The following HLTF variants were observed in gnomAD, a reference collection of about 807,000 sequenced individuals.
The protein encoded by HLTF is helicase like transcription factor.
In HLTF, 127 loss-of-function variants were observed where a neutral mutation model predicts 129.4. The observed-to-expected ratio is 0.98, with a 90% confidence interval of 0.85 to 1.14. The LOEUF is 1.14. Among genes scored for constraint, HLTF ranks in the 50% most tolerant of loss-of-function variants. The pLI, the probability that HLTF is intolerant of heterozygous loss-of-function variation, is 0.00. For missense variants in HLTF, 1,139 were observed against 1,187.1 expected (o/e 0.96, Z 0.60); for synonymous variants, 332 against 388.8 (o/e 0.85, Z 1.72).
At chr3:149,066,493 T>C (rs990329377) in intron 8 of HLTF, among the ~76,000 whole-genome samples, 2 of 152,190 alleles carry the variant, frequency 1.3e-5, no homozygotes, top group African/African-American at 2.4e-5. Flanking sequence ...AGTCTACTTA[T>C]GTTTGGAATA....
chr3:149,045,242 C>CT (rs1716446537), intron 18 of HLTF, among the ~76,000 whole-genome samples: 2 of 152,102 alleles, frequency 1.3e-5, no homozygotes, highest in Non-Finnish European at 2.9e-5. Context: ...CCCCTTAATC[C>CT]CAATCTCCTT....
chr3:149,075,904 G>T lies in HLTF; in HGVS notation c.372C>A (p.Asp124Glu). The T allele has an allele frequency of 1.2e-6, 2 of 1,600,994 alleles. No individual in the cohort carries two copies. The highest frequency in any genetic ancestry group is 8.5e-7 in the Non-Finnish European group (1 of 1,174,790). The change falls in exon 3 of 25, where the codon GAC becomes GAA. Residue 124 changes from aspartate to glutamate, a missense_variant. Transcript: ENST00000310053. ...ELAGALAYIM[D>E]NKLAQIEGVV... is the part of the protein sequence containing the mutation. The stretch of plus-strand genomic sequence containing the variant: ...ACCCTTCAATTTGTGCCAATTTGTT[G>T]TCCATGATATAGGCCAAAGCACCTG...
chr3:149,078,151 T>C (rs1196949456), intron 2 of HLTF, among the ~76,000 whole-genome samples: 1 of 152,176 alleles, frequency 6.6e-6, no homozygotes, highest in Non-Finnish European at 1.5e-5. Context: ...TAAGAAAGTA[T>C]GGTCTATACA....
At chr3:149,052,707 T>C (rs1717095903) in intron 14 of HLTF, among the ~76,000 whole-genome samples, 2 of 151,910 alleles carry the variant, frequency 1.3e-5, no homozygotes, top group African/African-American at 4.8e-5. Flanking sequence ...AAAGTAAAGC[T>C]GAAAATGCAA....
At position 149,075,999 on chromosome 3, in the gene HLTF, A is replaced by G. The variant is rs1306858005; in HGVS notation, c.277T>C (p.Tyr93His). Residue 93 changes from tyrosine (Y) to histidine (H), a missense_variant, in exon 3 of 25, where the codon TAT (tyrosine) becomes CAT (histidine). By Grantham distance (83) the Tyr-to-His change is moderately conservative. Coordinates refer to ENST00000310053, the MANE Select transcript of HLTF (RefSeq NM_003071.4). ...VALQRDPNNP[Y>H]DKNAIKVNNV... ...TTTACTTTAATTGCATTCTTATCAT[A>G]AGGGTTATTAGGATCTCGTTGTAAT... is the stretch of plus-strand genomic sequence containing the variant. 1.3e-6 allele frequency: 2 copies of G among 1,544,116 alleles called. No homozygotes were observed. The highest frequency in any genetic ancestry group is 2.3e-5 in the South Asian group (2 of 88,344).
intron 7 of HLTF, among the ~76,000 whole-genome samples, chr3:149,070,936 T>C (rs1305742633): frequency 1.3e-5 from 2 of 151,978 alleles, no homozygotes; most frequent in Non-Finnish European, 2.9e-5. Context: ...TCCCAGCTAT[T>C]TGGAAGTCTG....
Position 149,039,075 on chromosome 3 carries a change from C to G in HLTF, c.2770G>C (p.Ala924Pro). 6.2e-7 allele frequency: 1 copy of G among 1,602,884 alleles called. No individual in the cohort carries two copies. Among genetic ancestry groups the G allele is most frequent in the Non-Finnish European group, 8.5e-7 (1 of 1,175,662 alleles). The change falls in exon 23 of 25, where the codon GCT becomes CCT. Residue 924 changes from alanine (A) to proline (P), a missense_variant. Coordinates refer to ENST00000310053, the MANE Select transcript of HLTF (RefSeq NM_003071.4). Reference protein sequence around the residue: ...AGGVGLNLSAASRVFLMDPAW... With the variant: ...AGGVGLNLSAPSRVFLMDPAW... ...GGATCCATTAAAAACACTCGAGAAGCTGCAGACAGATTCAAACCAACTCCA... is the reference window on the plus strand; with the variant it reads ...GGATCCATTAAAAACACTCGAGAAGGTGCAGACAGATTCAAACCAACTCCA...
intron 7 of HLTF, among the ~76,000 whole-genome samples, chr3:149,068,746 C>A (rs1360992519): frequency 6.6e-6 from 1 of 152,032 alleles, no homozygotes; most frequent in African/African-American, 2.4e-5. Context: ...AAAGATAATA[C>A]CAAGCTTAAA....
At chr3:149,060,404 T>G (rs1717824395) in intron 12 of HLTF, among the ~76,000 whole-genome samples, 1 of 152,168 alleles carries the variant, frequency 6.6e-6, no homozygotes, top group Non-Finnish European at 1.5e-5. Flanking sequence ...GAAAATTGTT[T>G]TAAGTATAGT....
At chr3:149,074,448 C>G in intron 3 of HLTF, 100 bp from the exon 4 acceptor site, 3 of 1,148,048 alleles carry the variant, frequency 2.6e-6, no homozygotes, top group Non-Finnish European at 3.6e-6. Context: ...TTACATTTTA[C>G]ATTGAAGTAA....
In HLTF at chr3:149,084,787, A is replaced by C. The variant is rs1720205791; in HGVS notation, c.123T>G (p.Asp41Glu). 6.2e-7 allele frequency: 1 copy of C among 1,613,970 alleles called. No homozygotes were observed. Among genetic ancestry groups the C allele is most frequent in the Non-Finnish European group, 8.5e-7 (1 of 1,179,934 alleles). The change falls in exon 2 of 25, where the codon GAT becomes GAG. Residue 41 changes from aspartate (D) to glutamate (E), a missense_variant. Coordinates refer to ENST00000310053, the MANE Select transcript of HLTF (RefSeq NM_003071.4). The part of the protein sequence containing the change: ...PTFFPRFEFQ[D>E]VIPPDDFLTS... Reference sequence around the variant, plus strand: ...TTAGAAAGTCATCTGGAGGGATAACATCTTGGAATTCAAAACGTGGAAAGA... The same window carrying C: ...TTAGAAAGTCATCTGGAGGGATAACCTCTTGGAATTCAAAACGTGGAAAGA...
intron 4 of HLTF, 127 bp downstream of exon 4, chr3:149,074,088 C>A: frequency 2.4e-6 from 2 of 834,086 alleles, no homozygotes; most frequent in Non-Finnish European, 3.5e-6. Context: ...AAAAAGACTC[C>A]TGAAAAAAAG....
chr3:149,085,438 G>A (rs759500064), intron 1 of HLTF, among the ~76,000 whole-genome samples: 2 of 152,186 alleles, frequency 1.3e-5, no homozygotes, highest in Admixed American at 6.5e-5. Flanking sequence ...GCAGCGAGCC[G>A]AGATTGTGCC....
At chr3:149,063,376 A>G (rs770491514) in intron 10 of HLTF, 55 bp downstream of exon 10, 4 of 1,184,564 alleles carry the variant, frequency 3.4e-6, no homozygotes, top group Non-Finnish European at 3.8e-6. Flanking sequence ...TCTTTTACAC[A>G]TAAGAAAACA....
chr3:149,068,103 C>T, intron 8 of HLTF, 137 bp downstream of exon 8: 1 of 527,132 alleles, frequency 1.9e-6, no homozygotes, highest in Non-Finnish European at 3.4e-6. Context: ...TTCTTATCAG[C>T]AACACATAAA....
intron 2 of HLTF, among the ~76,000 whole-genome samples, chr3:149,080,039 T>TA (rs879893040): frequency 2.9e-4 from 43 of 146,194 alleles, no homozygotes; most frequent in African/African-American, 3.5e-4. Flanking sequence ...AATAGTACAC[T>TA]AAAAAAAAAA....
chr3:149,039,816 T>C, intron 21 of HLTF, 123 bp from the exon 22 acceptor site: 1 of 676,048 alleles, frequency 1.5e-6, no homozygotes, highest in African/African-American at 1.9e-5. Flanking sequence ...AGACTACTCA[T>C]TTAAAACAAA....
chr3:149,078,145 A>G (rs1008733120), intron 2 of HLTF, among the ~76,000 whole-genome samples: 6 of 152,236 alleles, frequency 3.9e-5, no homozygotes, highest in African/African-American at 1.4e-4. Context: ...AAAAAATAAG[A>G]AAGTATGGTC....
chr3:149,077,268 A>AATT (rs1559882665), intron 2 of HLTF, among the ~76,000 whole-genome samples: 10 of 149,642 alleles, frequency 6.7e-5, no homozygotes, highest in South Asian at 2.1e-4. Context: ...ATAAATAAAT[A>AATT]AATAAATAAA....
Sources: gnomAD v4.1 joint callset for allele counts (sites outside exome capture counted in the v4.1 genomes callset) on GRCh38, gnomAD v4.1.1 for gene constraint, MANE v1.5 for transcripts, NCBI Gene and HGNC (gene_info 2026-07-23, HGNC 2026-07-21) for gene names.